MDFIC: variants seen among roughly 807,000 people sequenced by gnomAD.
MDFIC encodes the protein myoD family inhibitor domain-containing protein.
MDFIC carries 17 observed loss-of-function variants against 23.2 expected under a neutral mutation model. That is an observed-to-expected ratio of 0.73 (90% CI 0.50 to 1.10). MDFIC has a LOEUF of 1.10. Among genes scored for constraint, MDFIC ranks in the 50% least tolerant of loss-of-function variants. The pLI is 0.00. For missense variants in MDFIC, 356 were observed against 316.6 expected (o/e 1.12, Z -0.95); for synonymous variants, 120 against 115.2 (o/e 1.04, Z -0.27).
At chr7:114,944,302 G>A (rs1792604045) in intron 3 of MDFIC, among the ~76,000 whole-genome samples, 1 of 152,114 alleles carries the variant, frequency 6.6e-6, no homozygotes, top group South Asian at 2.1e-4. Context: ...AAAGATACTG[G>A]CCAAAGATAG....
At chr7:114,938,270 T>A (rs1392255001) in intron 2 of MDFIC, among the ~76,000 whole-genome samples, 3 of 152,208 alleles carry the variant, frequency 2.0e-5, no homozygotes, top group Admixed American at 6.5e-5. Flanking sequence ...TTTGTATTCT[T>A]AATAGTTATC....
At chr7:115,014,396 G>A (rs1791750362) in intron 4 of MDFIC, 25 of 1,288,962 alleles carry the variant, frequency 1.9e-5, no homozygotes, top group Admixed American at 4.6e-5. Flanking sequence ...AGAAGCGCAT[G>A]ATTTTTTATT....
chr7:114,974,618 T>C (rs1793271510), intron 3 of MDFIC, among the ~76,000 whole-genome samples: 1 of 152,154 alleles, frequency 6.6e-6, no homozygotes, highest in African/African-American at 2.4e-5. Flanking sequence ...CACATGCTAA[T>C]AGATTATACA....
rs145324284 is a variant in MDFIC, at chr7:115,015,725, C to T, written c.531C>T (p.Cys177=). The T allele has an allele frequency of 2.5e-3, 3,976 of 1,614,146 alleles. 8 individuals are homozygous for T. The highest frequency in any genetic ancestry group is 3.0e-3 in the Non-Finnish European group (3,514 of 1,180,016). ...CVHCILACLF[C]EFLTLCNIVL... ...ACTGTATCCTGGCTTGCTTGTTCTG[C>T]GAATTCCTGACCCTTTGCAACATTG... The change falls in exon 5 of 5, where the codon TGC becomes TGT. Residue 177 remains cysteine, a synonymous_variant. Transcript: ENST00000393486.
intron 3 of MDFIC, among the ~76,000 whole-genome samples, chr7:114,951,066 G>C (rs1447457888): frequency 6.6e-6 from 1 of 152,140 alleles, no homozygotes; most frequent in African/African-American, 2.4e-5. Flanking sequence ...CCTGCCTGTA[G>C]TCCCAGTTAC....
At chr7:114,939,061 T>C (rs1014074518) in intron 2 of MDFIC, among the ~76,000 whole-genome samples, 7 of 152,150 alleles carry the variant, frequency 4.6e-5, no homozygotes, top group Admixed American at 3.3e-4. Context: ...TCCTGCTCCC[T>C]CTTCAGAGCA....
At chr7:114,964,146 G>T (rs949266058) in intron 3 of MDFIC, among the ~76,000 whole-genome samples, 1 of 152,058 alleles carries the variant, frequency 6.6e-6, no homozygotes, top group East Asian at 1.9e-4. Context: ...AACTATTGAT[G>T]AAATTAATGT....
chr7:114,951,390 A>G (rs1245443815), intron 3 of MDFIC, among the ~76,000 whole-genome samples: 1 of 152,194 alleles, frequency 6.6e-6, no homozygotes, highest in East Asian at 1.9e-4. Context: ...CATTACTGTA[A>G]GATTCCAAAG....
intron 3 of MDFIC, among the ~76,000 whole-genome samples, chr7:114,949,816 G>A (rs1310309393): frequency 6.6e-6 from 1 of 152,088 alleles, no homozygotes; most frequent in Non-Finnish European, 1.5e-5. Flanking sequence ...GCCAGAGGGA[G>A]CTTTCCAGTG....
At chr7:114,992,316 C>G (rs1312246348) in intron 4 of MDFIC, among the ~76,000 whole-genome samples, 3 of 152,186 alleles carry the variant, frequency 2.0e-5, no homozygotes, top group Non-Finnish European at 2.9e-5. Flanking sequence ...TTGACTTCCT[C>G]TTTTCCTAGT....
chr7:114,927,523 A>T (rs1405973076), intron 2 of MDFIC, among the ~76,000 whole-genome samples: 1 of 152,076 alleles, frequency 6.6e-6, no homozygotes, highest in Non-Finnish European at 1.5e-5. Flanking sequence ...TTTCATAATT[A>T]TATGCACTAT....
chr7:114,996,584 C>T (rs865962246), intron 4 of MDFIC, among the ~76,000 whole-genome samples: 61 of 152,106 alleles, frequency 4.0e-4, no homozygotes, highest in African/African-American at 1.4e-3. Flanking sequence ...GAAAGGTCTG[C>T]AGCTTGAGAT....
chr7:114,967,662 C>T (rs1312601165), intron 3 of MDFIC, among the ~76,000 whole-genome samples: 1 of 151,956 alleles, frequency 6.6e-6, no homozygotes, highest in East Asian at 1.9e-4. Context: ...AGAATGGTGC[C>T]TGGCACCATA....
intron 3 of MDFIC, among the ~76,000 whole-genome samples, chr7:114,971,839 C>T (rs1261559508): frequency 6.6e-6 from 1 of 151,748 alleles, no homozygotes; most frequent in Non-Finnish European, 1.5e-5. Context: ...TTTGGATTTA[C>T]TTTTCTATCA....
chr7:114,955,295 G>A (rs751646545), intron 3 of MDFIC, among the ~76,000 whole-genome samples: 115 of 151,844 alleles, frequency 7.6e-4, no homozygotes, highest in Non-Finnish European at 5.6e-4. Context: ...ATGAACTTTC[G>A]CCATAGCCAA....
intron 3 of MDFIC, among the ~76,000 whole-genome samples, chr7:114,963,924 A>C (rs1278981033): frequency 6.6e-6 from 1 of 152,016 alleles, no homozygotes; most frequent in Non-Finnish European, 1.5e-5. Context: ...CCTTTATTTA[A>C]CTCATCTTAG....
chr7:115,000,849 T>G (rs1791452010), intron 4 of MDFIC, among the ~76,000 whole-genome samples: 2 of 152,188 alleles, frequency 1.3e-5, no homozygotes, highest in Non-Finnish European at 2.9e-5. Flanking sequence ...TAATTTAAAT[T>G]TCCATAAATA....
rs1213966288 is a variant in MDFIC at position 114,922,273 on chromosome 7, G to T, written c.-471G>T. 8 of 790,608 alleles carry T rather than the reference G, an allele frequency of 1.0e-5. No homozygotes were observed. Among genetic ancestry groups the T allele is most frequent in the Non-Finnish European group, 1.0e-5 (6 of 586,048 alleles). 49.0% of individuals were successfully genotyped at this position (790,608 alleles called of 1,614,324 possible). Reference sequence around the variant, plus strand: ...CTAGCCAAGAGTTCGAGGCCTTCCCGATCCGGATGTGATGAAAAAGAGCAA... The same window carrying T: ...CTAGCCAAGAGTTCGAGGCCTTCCCTATCCGGATGTGATGAAAAAGAGCAA... On this transcript the variant is annotated 5_prime_UTR_variant, in exon 1 of 5. Transcript: ENST00000393486.
intron 4 of MDFIC, among the ~76,000 whole-genome samples, chr7:114,996,175 G>A (rs554988668): frequency 6.6e-6 from 1 of 152,302 alleles, no homozygotes; most frequent in East Asian, 1.9e-4. Flanking sequence ...TGTGCTGATA[G>A]TGGACTACAG....
Sources: gnomAD v4.1 joint callset for allele counts (sites outside exome capture counted in the v4.1 genomes callset) on GRCh38, gnomAD v4.1.1 for gene constraint, MANE v1.5 for transcripts, NCBI Gene and HGNC (gene_info 2026-07-23, HGNC 2026-07-21) for gene names.